The following CDH18 variants were observed in gnomAD, a reference collection of about 807,000 sequenced individuals.
CDH18 encodes cadherin-18.
A neutral mutation model predicts 67.9 loss-of-function variants in CDH18; 31 were observed. The observed-to-expected ratio is 0.46, with a 90% confidence interval of 0.34 to 0.62. The LOEUF is 0.62. Among genes scored for constraint, CDH18 ranks in the 20% least tolerant of loss-of-function variants. The pLI, the probability that CDH18 is intolerant of heterozygous loss-of-function variation, is 0.01. For synonymous variants in CDH18, 362 were observed against 347.2 expected (o/e 1.04, Z -0.48); for missense variants, 890 against 975.5 (o/e 0.91, Z 1.17).
intron 8 of CDH18, among the ~76,000 whole-genome samples, chr5:19,566,145 T>C (rs956200321): frequency 2.0e-5 from 3 of 152,160 alleles, no homozygotes; most frequent in Admixed American, 2.0e-4. Context: ...CTGATCATCA[T>C]AGAAATGCCT....
intron 2 of CDH18, among the ~76,000 whole-genome samples, chr5:19,994,858 A>AGC (rs1165319619): frequency 7.5e-6 from 1 of 134,012 alleles, no homozygotes; most frequent in Non-Finnish European, 1.6e-5. Context: ...ATATATATAG[A>AGC]GAGAGAGAGA....
intron 2 of CDH18, among the ~76,000 whole-genome samples, chr5:20,094,737 G>T (rs1251134466): frequency 6.6e-6 from 1 of 151,986 alleles, no homozygotes; most frequent in African/African-American, 2.4e-5. Context: ...TGTGAATGAA[G>T]ACAGTGTGGA....
At chr5:19,842,100 G>A (rs1782382108) in intron 2 of CDH18, among the ~76,000 whole-genome samples, 2 of 152,164 alleles carry the variant, frequency 1.3e-5, no homozygotes, top group Admixed American at 6.5e-5. Flanking sequence ...CAGTGATTGA[G>A]ACCAATACAA....
At chr5:20,493,356 T>TTAAAAAAAAAA (rs1391590923) in intron 1 of CDH18, among the ~76,000 whole-genome samples, 1 of 47,194 alleles carries the variant, frequency 2.1e-5, no homozygotes, top group African/African-American at 8.5e-5. Context: ...TTCAGAAAAT[T>TTAAAAAAAAAA]AAAAAAAAAA....
chr5:20,228,126 T>C (rs1352089901), intron 2 of CDH18, among the ~76,000 whole-genome samples: 1 of 152,108 alleles, frequency 6.6e-6, no homozygotes, highest in Non-Finnish European at 1.5e-5. Context: ...ATAACAAAAT[T>C]TTGTTTGGTT....
chr5:20,124,504 A>G (rs1748656496), intron 2 of CDH18, among the ~76,000 whole-genome samples: 1 of 152,198 alleles, frequency 6.6e-6, no homozygotes, highest in South Asian at 2.1e-4. Context: ...AATAAATCAT[A>G]TTCAGAAAAC....
At chr5:19,480,702 C>T (rs1353981976) in intron 12 of CDH18, among the ~76,000 whole-genome samples, 1 of 151,942 alleles carries the variant, frequency 6.6e-6, no homozygotes, top group Non-Finnish European at 1.5e-5. Flanking sequence ...GGCTCTTTTC[C>T]TGACTTTCCT....
intron 2 of CDH18, among the ~76,000 whole-genome samples, chr5:20,137,518 T>C (rs1749838882): frequency 6.6e-6 from 1 of 152,070 alleles, no homozygotes; most frequent in Admixed American, 6.6e-5. Context: ...TGCTTTGTAA[T>C]GGGTTCGAAA....
rs529222445 is a variant in CDH18, at chr5:20,033,937, T to G, written c.-517-41923A>C. Among the ~76,000 whole-genome samples the G allele has an allele frequency of 2.6e-5, 4 of 152,064 alleles. No homozygotes were observed. In the South Asian group the frequency reaches 8.3e-4, roughly 31 times the overall value. ...TTGATGTATATTTCTTTAAAAAGCA[T>G]CTGATCCTGAAGTGGCACAATATAA... On this transcript the variant is annotated intron_variant, in intron 2 of 14. Coordinates refer to the CDH18 transcript ENST00000507958.
chr5:20,168,549 T>C (rs1561845541), intron 2 of CDH18, among the ~76,000 whole-genome samples: 1 of 152,118 alleles, frequency 6.6e-6, no homozygotes, highest in Non-Finnish European at 1.5e-5. Flanking sequence ...AGATGCATGA[T>C]AAAACACCTC....
At chr5:19,668,488 C>T (rs531045333) in intron 5 of CDH18, among the ~76,000 whole-genome samples, 2 of 152,040 alleles carry the variant, frequency 1.3e-5, no homozygotes, top group East Asian at 1.9e-4. Context: ...AATGTAAATG[C>T]TATGCATTTA....
intron 2 of CDH18, among the ~76,000 whole-genome samples, chr5:19,931,663 T>C (rs750135609): frequency 5.3e-5 from 8 of 151,804 alleles, no homozygotes; most frequent in Admixed American, 1.3e-4. Context: ...GCATGAGAAG[T>C]GAAAAAAAAC....
chr5:20,167,501 A>C (rs1736385056), intron 2 of CDH18, among the ~76,000 whole-genome samples: 1 of 151,870 alleles, frequency 6.6e-6, no homozygotes. Context: ...ATAATGAATA[A>C]ATAAATAGAA....
chr5:20,111,546 C>CT (rs760458451), intron 2 of CDH18, among the ~76,000 whole-genome samples: 4,450 of 51,916 alleles, frequency 0.086, 259 homozygotes, highest in African/African-American at 0.17. Context: ...TTCCTTCTTT[C>CT]TTTTTTTTTT....
chr5:20,447,022 C>T (rs1037369015), intron 1 of CDH18, among the ~76,000 whole-genome samples: 20 of 152,170 alleles, frequency 1.3e-4, no homozygotes, highest in Non-Finnish European at 1.5e-5. Flanking sequence ...TAGCTCCTTA[C>T]TGAAAATAGA....
intron 3 of CDH18, among the ~76,000 whole-genome samples, chr5:19,824,298 C>G (rs952615428): frequency 2.6e-5 from 4 of 152,242 alleles, no homozygotes; most frequent in Admixed American, 2.6e-4. Context: ...CGGGACCCAT[C>G]AAGGCAGCAA....
At chr5:19,600,399 T>C (rs1746926448) in intron 6 of CDH18, among the ~76,000 whole-genome samples, 1 of 151,442 alleles carries the variant, frequency 6.6e-6, no homozygotes, top group Non-Finnish European at 1.5e-5. Flanking sequence ...TTTCAGCTGG[T>C]ACCAGCTTTT....
chr5:20,336,236 C>T (rs1224911105), intron 1 of CDH18, among the ~76,000 whole-genome samples: 4 of 152,034 alleles, frequency 2.6e-5, no homozygotes, highest in Admixed American at 1.3e-4. Flanking sequence ...TGGTCATCTC[C>T]CCTTTTCCCC....
intron 1 of CDH18, among the ~76,000 whole-genome samples, chr5:20,343,933 T>A (rs1448446957): frequency 6.6e-6 from 1 of 152,108 alleles, no homozygotes; most frequent in South Asian, 2.1e-4. Context: ...AGAAACAGAT[T>A]AGCAGACCAA....
Sources: allele counts gnomAD v4.1 joint callset (sites outside exome capture counted in the v4.1 genomes callset), GRCh38; gene constraint gnomAD v4.1.1; transcripts MANE v1.5; gene names NCBI Gene and HGNC (gene_info 2026-07-23, HGNC 2026-07-21).